Variants in ATG4D observed in about 807,000 individuals in gnomAD.
ATG4D encodes the protein cysteine protease ATG4D.
A neutral mutation model predicts 55.2 loss-of-function variants in ATG4D; 51 were observed. That is an observed-to-expected ratio of 0.92 (90% CI 0.74 to 1.17). The LOEUF is 1.17. ATG4D is among the 50% of genes most tolerant of loss of function. The pLI is 0.00. For synonymous variants in ATG4D, 268 were observed against 266.2 expected, an observed-to-expected ratio of 1.01 and a Z score of -0.07; for missense variants, 635 against 649.6, an observed-to-expected ratio of 0.98 and a Z score of 0.25.
chr19:10,548,003 ATTTTTTTTTTTTTTTTTTTTTTT>A (rs60924749), intron 5 of ATG4D, among the ~76,000 whole-genome samples: 36 of 34,994 alleles, frequency 1.0e-3, no homozygotes, highest in Non-Finnish European at 1.3e-3. Context: ...AGCCCCTGTA[ATTTTTTTTTTTTTTTTTTTTTTT>A]TTTTTTTTTT....
intron 9 of ATG4D, 87 bp downstream of exon 9, chr19:10,552,411 A>C: frequency 6.8e-7 from 1 of 1,474,226 alleles, no homozygotes; most frequent in Non-Finnish European, 9.0e-7. Flanking sequence ...CGAGTCCAGC[A>C]GAGCTGGGGT....
At position 10,546,220 on chromosome 19, in the gene ATG4D, A is replaced by T. The variant is rs574568719; in HGVS notation, c.494-619A>T. On this transcript the variant is annotated intron_variant, in intron 3 of 9. Transcript: ENST00000309469. ...GTGCCTGTGATCCCAACTACTCAGG[A>T]GGCTGAGGCGGGAGAATCTGTTGAG... Among the ~76,000 whole-genome samples the T allele has an allele frequency of 3.9e-5, 6 of 152,064 alleles. No individual in the cohort carries two copies. The South Asian group carries it at 1.0e-3, about 26-fold the overall frequency.
rs781565608 is a variant in ATG4D, at chr19:10,549,037, A to G, written c.966+3A>G. The G allele has an allele frequency of 2.0e-5, 33 of 1,613,866 alleles. No homozygotes were observed. Among genetic ancestry groups the G allele is most frequent in the Non-Finnish European group, 2.7e-5 (32 of 1,179,958 alleles). On this transcript the variant is annotated splice_donor_region_variant and intron_variant, in intron 6 of 9. Coordinates refer to ENST00000309469, the MANE Select transcript of ATG4D (RefSeq NM_032885.6). ...CCGTGTATGTGCCCTGCGTGAAGGTAGGTTCAGCTGAATTCTAGGACACCT... is the reference window on the plus strand; with the variant it reads ...CCGTGTATGTGCCCTGCGTGAAGGTGGGTTCAGCTGAATTCTAGGACACCT...
At chr19:10,551,861 C>T in intron 6 of ATG4D, 36 bp from the exon 7 acceptor site, 2 of 1,607,950 alleles carry the variant, frequency 1.2e-6, no homozygotes, top group Non-Finnish European at 1.7e-6. Context: ...TGTTGAGTGG[C>T]TGCCTGACAG....
Position 10,544,279 on chromosome 19 carries a change from C to G in ATG4D, c.189C>G (p.Asp63Glu). 7.8e-7 allele frequency: 1 copy of G among 1,284,160 alleles called. No individual in the cohort carries two copies. The highest frequency in any genetic ancestry group is 9.9e-7 in the Non-Finnish European group (1 of 1,007,882). The allele number at this position is 1,284,160 out of a possible 1,614,324, so 79.5% of individuals were successfully genotyped here. Residue 63 changes from aspartate to glutamate, a missense_variant, in exon 1 of 10, where the codon GAC becomes GAG. By Grantham distance (45) the Asp-to-Glu change is conservative. Coordinates refer to ENST00000309469, the MANE Select transcript of ATG4D (RefSeq NM_032885.6). Reference protein sequence around the residue: ...GAGPSEPDEVDKFKAKFLTAW... With the variant: ...GAGPSEPDEVEKFKAKFLTAW... ...GCCCGAGTGAGCCGGACGAAGTGGA[C>G]AAGTTCAAGGCCAAGTTCCTGACAG... is the stretch of plus-strand genomic sequence containing the variant.
chr19:10,549,548 G>A (rs892444792), intron 6 of ATG4D, among the ~76,000 whole-genome samples: 4 of 152,148 alleles, frequency 2.6e-5, no homozygotes, highest in East Asian at 1.9e-4. Flanking sequence ...CTCCCAGGTA[G>A]CTGGGACTAC....
At chr19:10,544,529 T>C (rs1213758173) in intron 1 of ATG4D, among the ~76,000 whole-genome samples, 2 of 152,108 alleles carry the variant, frequency 1.3e-5, no homozygotes, top group East Asian at 1.9e-4. Flanking sequence ...GCAAGATCCT[T>C]TGCTTCCTGG....
At chr19:10,552,166 C>T (rs747023526) in intron 8 of ATG4D, 39 bp from the exon 9 acceptor site, 3 of 1,609,320 alleles carry the variant, frequency 1.9e-6, no homozygotes, top group Non-Finnish European at 2.5e-6. Flanking sequence ...GGCGGGTGGG[C>T]AGCCCAGCCT....
intron 3 of ATG4D, 84 bp from the exon 4 acceptor site, chr19:10,546,755 T>G: frequency 7.1e-7 from 1 of 1,399,686 alleles, no homozygotes; most frequent in Non-Finnish European, 9.7e-7. Context: ...TCAGGAGCAT[T>G]CGCATTGTGT....
In ATG4D at chr19:10,553,346, CG is replaced by C; in HGVS notation, c.*282del. 4 of 350,080 alleles carry C rather than the reference CG, an allele frequency of 1.1e-5. No homozygotes were observed. In the South Asian group the frequency reaches 2.6e-4, roughly 23 times the overall value. The allele number at this position is 350,080 out of a possible 1,614,324, so 21.7% of individuals were successfully genotyped here. On this transcript the variant is annotated 3_prime_UTR_variant, in exon 10 of 10. Transcript: ENST00000309469. ...CGTACTGTAGTTTGCACTGGACGCC[CG>C]GGCCCTCCCTGTCCCAAAGCCCCCT... is the stretch of plus-strand genomic sequence containing the variant.
chr19:10,544,693 C>T (rs753110026), intron 1 of ATG4D, 90 bp from the exon 2 acceptor site: 3 of 1,582,070 alleles, frequency 1.9e-6, no homozygotes, highest in South Asian at 1.2e-5. Flanking sequence ...GAACTAGGAT[C>T]GTGCCCATTT....
intron 5 of ATG4D, among the ~76,000 whole-genome samples, chr19:10,547,541 T>C (rs1411917584): frequency 6.7e-6 from 1 of 149,478 alleles, no homozygotes; most frequent in African/African-American, 2.5e-5. Flanking sequence ...GGTGGGAGGA[T>C]TGCTTGAACC....
At chr19:10,546,266 G>T (rs1232106019) in intron 3 of ATG4D, among the ~76,000 whole-genome samples, 1 of 151,742 alleles carries the variant, frequency 6.6e-6, no homozygotes, top group Non-Finnish European at 1.5e-5. Context: ...AGAGGCTGTA[G>T]TGAGACGTGA....
At chr19:10,547,895 C>T (rs1030441706) in intron 5 of ATG4D, among the ~76,000 whole-genome samples, 2 of 146,208 alleles carry the variant, frequency 1.4e-5, no homozygotes, top group African/African-American at 5.1e-5. Context: ...TGGGGTTTCA[C>T]CATGTTGACA....
At chr19:10,550,722 T>C (rs1599522273) in intron 6 of ATG4D, among the ~76,000 whole-genome samples, 1 of 147,354 alleles carries the variant, frequency 6.8e-6, no homozygotes, top group East Asian at 2.0e-4. Flanking sequence ...TTTTTTTTTT[T>C]TTTTTTTGAG....
In ATG4D at chr19:10,552,116, C is replaced by G; in HGVS notation, c.1117C>G (p.Leu373Val). Reference sequence around the variant, plus strand: ...GGATGTCAGCCAGGCCGACTTCCCCCTGGAGGTGAGTGGGAGCCCCAGTGT... The same window carrying G: ...GGATGTCAGCCAGGCCGACTTCCCCGTGGAGGTGAGTGGGAGCCCCAGTGT... ...TVDVSQADFP[L>V]ESFHCTSPRK... The change falls in exon 8 of 10, where the codon CTG (leucine) becomes GTG (valine). Residue 373 changes from leucine (L) to valine (V), a missense_variant. By Grantham distance (32) the Leu-to-Val change is conservative (BLOSUM62 1). Transcript: ENST00000309469. The G allele has an allele frequency of 6.2e-7, 1 of 1,611,810 alleles. No individual in the cohort carries two copies. The highest frequency in any genetic ancestry group is 1.6e-4 in the Middle Eastern group (1 of 6,062).
At position 10,553,081 on chromosome 19, in the gene ATG4D, G is replaced by A; in HGVS notation, c.*14G>A. 4 of 1,587,522 alleles carry A rather than the reference G, an allele frequency of 2.5e-6. No individual in the cohort carries two copies. The highest frequency in any genetic ancestry group is 2.2e-5 in the South Asian group (2 of 90,594). On this transcript the variant is annotated 3_prime_UTR_variant, in exon 10 of 10. Coordinates refer to ENST00000309469, the MANE Select transcript of ATG4D (RefSeq NM_032885.6). The stretch of plus-strand genomic sequence containing the variant: ...GTGTTTTTATAAAGGGAGGGGATGA[G>A]GGGAAAGATACAACACTATTTATTT...
rs1461836835 is a variant in ATG4D at position 10,543,989 on chromosome 19, T to G, written c.-102T>G. 1 of 747,666 alleles carries G rather than the reference T, an allele frequency of 1.3e-6. No individual in the cohort carries two copies. Among genetic ancestry groups the G allele is most frequent in the Non-Finnish European group, 1.8e-6 (1 of 550,760 alleles). 46.3% of individuals were successfully genotyped at this position (747,666 alleles called of 1,614,324 possible). On this transcript the variant is annotated 5_prime_UTR_variant, in exon 1 of 10. The change abolishes the stop of an existing upstream ORF in the 5' untranslated region. Transcript: ENST00000309469. Reference sequence around the variant, plus strand: ...CGGTACCCTGGGGACGGGGGCCGAGTAGCGCCTTCCCCGGGCCCCGTGAAC... The same window carrying G: ...CGGTACCCTGGGGACGGGGGCCGAGGAGCGCCTTCCCCGGGCCCCGTGAAC...
chr19:10,551,833 A>T (rs1763092080), intron 6 of ATG4D, 64 bp from the exon 7 acceptor site: 4 of 1,500,416 alleles, frequency 2.7e-6, no homozygotes, highest in Middle Eastern at 1.9e-4. Flanking sequence ...CTCACAGAGG[A>T]GGTGTTTGCC....
Sources: gnomAD v4.1 joint callset for allele counts (sites outside exome capture counted in the v4.1 genomes callset) on GRCh38, gnomAD v4.1.1 for gene constraint, MANE v1.5 for transcripts, NCBI Gene and HGNC (gene_info 2026-07-23, HGNC 2026-07-21) for gene names.